SNAP47: variants seen among roughly 807,000 people sequenced by gnomAD.
SNAP47 encodes synaptosome associated protein 47.
In SNAP47, 20 loss-of-function variants were observed where a neutral mutation model predicts 31.4. The observed-to-expected ratio is 0.64, with a 90% CI of 0.45 to 0.93. The LOEUF (loss-of-function observed/expected upper bound fraction) is 0.93, where lower values mean the gene tolerates loss of function less well. Among genes scored for constraint, SNAP47 ranks in the 40% least tolerant of loss-of-function variants. The pLI, the probability that SNAP47 is intolerant of heterozygous loss-of-function variation, is 0.00. For synonymous variants in SNAP47, 194 were observed against 213.4 expected (o/e 0.91, Z 0.79); for missense variants, 492 against 528.5 (o/e 0.93, Z 0.68).
chr1:227,770,726 T>C (rs1663749132), intron 4 of SNAP47: 1 of 154,542 alleles, frequency 6.5e-6, no homozygotes, highest in Admixed American at 6.5e-5. Flanking sequence ...ACCTAATGAA[T>C]GTAAGATAAT....
chr1:227,743,520 C>G (rs1197412247), intron 1 of SNAP47, among the ~76,000 whole-genome samples: 2 of 152,262 alleles, frequency 1.3e-5, no homozygotes, highest in African/African-American at 2.4e-5. Flanking sequence ...CTTGCTGCCT[C>G]TGCATTGCGT....
upstream of SNAP47, chr1:227,732,374 C>T: frequency 6.2e-7 from 1 of 1,608,742 alleles, no homozygotes; most frequent in Non-Finnish European, 8.5e-7. Context: ...ACCCGTCCTT[C>T]TATCCTCACG....
intron 2 of SNAP47, 141 bp from the exon 3 acceptor site, chr1:227,758,854 G>A: frequency 1.9e-6 from 2 of 1,030,486 alleles, no homozygotes; most frequent in Non-Finnish European, 2.7e-6. Flanking sequence ...TGTGCCTCCT[G>A]CTTCATGGAG....
intron 2 of SNAP47, among the ~76,000 whole-genome samples, chr1:227,752,232 C>T (rs80052424): frequency 3.9e-4 from 60 of 152,276 alleles, no homozygotes; most frequent in African/African-American, 1.4e-3. Context: ...ACATGCCTGT[C>T]ATTTTGTTCC....
chr1:227,770,474 C>T (rs1426352149), intron 4 of SNAP47: 1 of 154,154 alleles, frequency 6.5e-6, no homozygotes, highest in Non-Finnish European at 1.5e-5. Flanking sequence ...TGGTGATTTG[C>T]TGGAACATTC....
intron 2 of SNAP47, among the ~76,000 whole-genome samples, chr1:227,755,980 G>A (rs66969031): frequency 0.11 from 16,725 of 152,206 alleles, 1,375 homozygotes; most frequent in East Asian, 0.33. Context: ...TAACATGTAA[G>A]CATCTGCTTT....
In SNAP47 at chr1:227,737,725, G is replaced by A. The variant is rs138535774; in HGVS notation, c.-46+2226G>A. Reference sequence around the variant, plus strand: ...GGACCAAGGTCTGAGGAGTTGGAGGGAGGACTAGGAGGAAAGTGAGTTTTG... The same window carrying A: ...GGACCAAGGTCTGAGGAGTTGGAGGAAGGACTAGGAGGAAAGTGAGTTTTG... On this transcript the variant is annotated intron_variant, in intron 1 of 4. Coordinates refer to ENST00000617596, the MANE Select transcript of SNAP47 (RefSeq NM_053052.4). Among the ~76,000 whole-genome samples, 678 of 152,238 alleles carry A rather than the reference G, an allele frequency of 4.5e-3. 4 individuals are homozygous for A. The highest frequency in any genetic ancestry group is 0.016 in the African/African-American group (656 of 41,546).
chr1:227,768,377 C>T (rs767844201), intron 4 of SNAP47: 7 of 968,534 alleles, frequency 7.2e-6, no homozygotes, highest in Admixed American at 6.2e-5. Flanking sequence ...GGGTCTGGGG[C>T]TCTGTCAGGC....
intron 4 of SNAP47, chr1:227,768,420 A>G (rs1046107743): frequency 1.2e-5 from 9 of 724,134 alleles, no homozygotes; most frequent in African/African-American, 1.9e-5. Context: ...TGTTTTGTGG[A>G]TGGCTCTGCC....
chr1:227,777,625 C>T (rs1572059395), intron 4 of SNAP47, among the ~76,000 whole-genome samples: 4 of 152,174 alleles, frequency 2.6e-5, no homozygotes, highest in Admixed American at 2.6e-4. Context: ...AAATGGTACT[C>T]TATGTCTATT....
At chr1:227,733,651 G>A (rs1376001935), upstream of SNAP47, 1 of 1,603,028 alleles carries the variant, frequency 6.2e-7, no homozygotes, top group Non-Finnish European at 8.5e-7. Flanking sequence ...ACCAGCTGAA[G>A]GAGCGGAAGA....
intron 3 of SNAP47, among the ~76,000 whole-genome samples, chr1:227,765,284 A>T (rs1286124734): frequency 6.6e-6 from 1 of 152,252 alleles, no homozygotes; most frequent in African/African-American, 2.4e-5. Context: ...GCACTGGTGC[A>T]GCGCAGGCTG....
chr1:227,735,440 G>A lies in SNAP47; in HGVS notation c.-105G>A. 6.8e-7 allele frequency: 1 copy of A among 1,470,568 alleles called. No homozygotes were observed. Among genetic ancestry groups the A allele is most frequent in the African/African-American group, 1.5e-5 (1 of 67,840 alleles). 91.1% of individuals were successfully genotyped at this position (1,470,568 alleles called of 1,614,324 possible). On this transcript the variant is annotated 5_prime_UTR_variant, in exon 1 of 5. Coordinates refer to ENST00000617596, the MANE Select transcript of SNAP47 (RefSeq NM_053052.4). Reference sequence around the variant, plus strand: ...CGCGGCTCGCCGCGGTCTTCACTGCGCAGGCGCCGAGCGGCCGAGGCGCCG... The same window carrying A: ...CGCGGCTCGCCGCGGTCTTCACTGCACAGGCGCCGAGCGGCCGAGGCGCCG...
upstream of SNAP47, chr1:227,735,052 G>A (rs757114104): frequency 7.7e-5 from 120 of 1,555,906 alleles, no homozygotes; most frequent in Non-Finnish European, 9.8e-5. Flanking sequence ...GCCTCCCCGC[G>A]GGCGTCACCC....
chr1:227,775,663 A>G (rs1379760316), intron 4 of SNAP47: 4 of 958,298 alleles, frequency 4.2e-6, no homozygotes, highest in Non-Finnish European at 5.7e-6. Flanking sequence ...GCGCGCATGG[A>G]CACACAGCTG....
chr1:227,735,319 A>T, upstream of SNAP47: 1 of 1,602,376 alleles, frequency 6.2e-7, no homozygotes, highest in Non-Finnish European at 8.5e-7. Context: ...CTTCCGCCGG[A>T]GCGGAAACGG....
At chr1:227,779,625 T>C (rs1253617532) in intron 4 of SNAP47, among the ~76,000 whole-genome samples, 1 of 152,184 alleles carries the variant, frequency 6.6e-6, no homozygotes, top group African/African-American at 2.4e-5. Context: ...GTCACTCAAG[T>C]TTCCTTTCCA....
At chr1:227,736,587 T>G (rs1284125588) in intron 1 of SNAP47, 4 of 133,634 alleles carry the variant, frequency 3.0e-5, no homozygotes, top group Middle Eastern at 4.0e-3. Flanking sequence ...TTCCACCTCC[T>G]GGGCTTGATG....
rs771860285 is a variant in SNAP47, at chr1:227,759,497, A to G, written c.988+12A>G. 2.5e-6 allele frequency: 4 copies of G among 1,611,968 alleles called. No individual in the cohort carries two copies. The highest frequency in any genetic ancestry group is 1.1e-5 in the South Asian group (1 of 90,980). ...AGTCTGGCATGCAGGTTAGTGACCG[A>G]CAAGGCAGTGAGCGCGTGCACAGAC... On this transcript the variant is annotated intron_variant, in intron 3 of 4. Coordinates refer to ENST00000617596, the MANE Select transcript of SNAP47 (RefSeq NM_053052.4).
Sources: allele counts gnomAD v4.1 joint callset (sites outside exome capture counted in the v4.1 genomes callset), GRCh38; gene constraint gnomAD v4.1.1; transcripts MANE v1.5; gene names NCBI Gene and HGNC (gene_info 2026-07-23, HGNC 2026-07-21).